The following CARMIL1 variants were observed in gnomAD, a reference collection of about 807,000 sequenced individuals.
CARMIL1 encodes capping protein regulator and myosin 1 linker 1, also known as F-actin-uncapping protein LRRC16A.
Under a neutral mutation model 177.1 loss-of-function variants are expected in CARMIL1, and 90 were observed. The ratio of observed to expected loss-of-function variants is 0.51; its 90% confidence interval spans 0.43 to 0.61. The LOEUF (loss-of-function observed/expected upper bound fraction) is 0.61. Among genes scored for constraint, CARMIL1 ranks in the 20% least tolerant of loss-of-function variants. The probability of loss-of-function intolerance (pLI) is 0.00; values close to 1 mark genes in which losing one functional copy is unlikely to be tolerated. For missense variants in CARMIL1, 1,380 were observed against 1,667.0 expected, an observed-to-expected ratio of 0.83 and a Z score of 3.00; for synonymous variants, 577 against 606.2, an observed-to-expected ratio of 0.95 and a Z score of 0.71.
chr6:25,383,870 GCT>G (rs1367411138), intron 2 of CARMIL1, among the ~76,000 whole-genome samples: 1 of 151,924 alleles, frequency 6.6e-6, no homozygotes, highest in African/African-American at 2.4e-5. Flanking sequence ...GTGGAGTCTC[GCT>G]CTGTCGCCCA....
chr6:25,336,181 C>G (rs1786209848), intron 2 of CARMIL1, among the ~76,000 whole-genome samples: 1 of 152,080 alleles, frequency 6.6e-6, no homozygotes, highest in Non-Finnish European at 1.5e-5. Context: ...GTCTCGCTTT[C>G]TAGCTGTTTC....
intron 2 of CARMIL1, among the ~76,000 whole-genome samples, chr6:25,329,902 A>G (rs1785453430): frequency 6.6e-6 from 1 of 152,262 alleles, no homozygotes. Flanking sequence ...TCTGGGCATC[A>G]GCTCATTATC....
At chr6:25,501,458 T>C in intron 17 of CARMIL1, among the ~76,000 whole-genome samples, 1 of 152,194 alleles carries the variant, frequency 6.6e-6, no homozygotes, top group Non-Finnish European at 1.5e-5. Flanking sequence ...ATAGTAACTC[T>C]CCCAATGGAT....
intron 31 of CARMIL1, among the ~76,000 whole-genome samples, chr6:25,591,689 C>T (rs1252696440): frequency 6.6e-6 from 1 of 152,216 alleles, no homozygotes; most frequent in Non-Finnish European, 1.5e-5. Flanking sequence ...CTGCTCTTCA[C>T]GTAGGCTGAT....
chr6:25,335,796 G>A (rs1232224438), intron 2 of CARMIL1, among the ~76,000 whole-genome samples: 5 of 152,240 alleles, frequency 3.3e-5, no homozygotes, highest in African/African-American at 7.2e-5. Context: ...CCCCTGCCCC[G>A]TGCTGGCATC....
chr6:25,588,160 C>T (rs1054119102), intron 31 of CARMIL1, among the ~76,000 whole-genome samples: 1 of 152,164 alleles, frequency 6.6e-6, no homozygotes, highest in Non-Finnish European at 1.5e-5. Flanking sequence ...CATTTTATAG[C>T]AGCGACTTGA....
chr6:25,420,535 A>G (rs1005284762), intron 3 of CARMIL1, among the ~76,000 whole-genome samples: 1 of 143,590 alleles, frequency 7.0e-6, no homozygotes, highest in Non-Finnish European at 1.5e-5. Context: ...TTTCCACTTT[A>G]TTCAAGTCTA....
chr6:25,581,560 C>G (rs957909663), intron 31 of CARMIL1, 121 bp downstream of exon 31: 1 of 862,926 alleles, frequency 1.2e-6, no homozygotes. Flanking sequence ...GAGACTAGAA[C>G]CTCTTTGCAT....
At chr6:25,312,554 C>G (rs760936434) in intron 2 of CARMIL1, among the ~76,000 whole-genome samples, 1 of 152,116 alleles carries the variant, frequency 6.6e-6, no homozygotes, top group African/African-American at 2.4e-5. Flanking sequence ...ATTCCTAACT[C>G]ATTTTTTGTT....
chr6:25,570,546 G>A (rs965901133), intron 29 of CARMIL1, among the ~76,000 whole-genome samples: 5 of 152,138 alleles, frequency 3.3e-5, no homozygotes, highest in African/African-American at 1.2e-4. Context: ...CTGTTTCCTG[G>A]AGAAAATGTG....
chr6:25,529,749 C>T (rs1157353161), intron 24 of CARMIL1, among the ~76,000 whole-genome samples: 1 of 90,048 alleles, frequency 1.1e-5, no homozygotes, highest in Non-Finnish European at 2.2e-5. Context: ...AGCGAGACTC[C>T]GTCTCCAAAA....
intron 8 of CARMIL1, among the ~76,000 whole-genome samples, chr6:25,463,819 C>CTTT (rs68160209): frequency 0.23 from 25,038 of 108,172 alleles, 3,273 homozygotes; most frequent in East Asian, 0.29. Flanking sequence ...AGTTGTTCTC[C>CTTT]TTTTTTTTTT....
At chr6:25,444,092 T>G (rs1759192730) in intron 5 of CARMIL1, among the ~76,000 whole-genome samples, 2 of 152,180 alleles carry the variant, frequency 1.3e-5, no homozygotes, top group Non-Finnish European at 2.9e-5. Context: ...CATGAGCCAC[T>G]GCGCCTGGAC....
At chr6:25,359,300 G>C (rs1788952288) in intron 2 of CARMIL1, among the ~76,000 whole-genome samples, 1 of 152,224 alleles carries the variant, frequency 6.6e-6, no homozygotes, top group Non-Finnish European at 1.5e-5. Context: ...CAGTGAGCTA[G>C]TGTTTCAGAA....
rs1295490393 is a variant in CARMIL1 at position 25,580,949 on chromosome 6, G to C, written c.2768G>C (p.Ser923Thr). 4 of 1,600,702 alleles carry C rather than the reference G, an allele frequency of 2.5e-6. No homozygotes were observed. The highest frequency in any genetic ancestry group is 3.4e-6 in the Non-Finnish European group (4 of 1,173,166). ...ATGACCCCTAAATCCAAAAGGAAGA[G>C]TATCCATAGCCGAATGCTGCGGCCT... ...CMMTPKSKRK[S>T]IHSRMLRPVS... Residue 923 changes from serine (S) to threonine (T), a missense_variant, in exon 30 of 37, where the codon AGT becomes ACT. Coordinates refer to ENST00000329474, the MANE Select transcript of CARMIL1 (RefSeq NM_017640.6).
chr6:25,296,935 T>TCTATCTATCTATCTTTAACTAAC (rs11414122), intron 2 of CARMIL1, among the ~76,000 whole-genome samples: 10 of 136,442 alleles, frequency 7.3e-5, no homozygotes, highest in East Asian at 2.1e-4. Context: ...CTATCTATCT[T>TCTATCTATCTATCTTTAACTAAC]TAACTAACTA....
At chr6:25,290,306 C>T (rs987866844) in intron 2 of CARMIL1, among the ~76,000 whole-genome samples, 7 of 151,344 alleles carry the variant, frequency 4.6e-5, no homozygotes, top group Non-Finnish European at 8.8e-5. Context: ...CGTTGTCCAG[C>T]TGCTTCTTGA....
At chr6:25,590,229 A>G (rs1285931278) in intron 31 of CARMIL1, among the ~76,000 whole-genome samples, 6 of 152,176 alleles carry the variant, frequency 3.9e-5, no homozygotes, top group African/African-American at 1.4e-4. Context: ...AATGAATGGT[A>G]GTTTGATTCT....
chr6:25,468,302 C>A (rs1800806254), intron 9 of CARMIL1, among the ~76,000 whole-genome samples: 1 of 151,836 alleles, frequency 6.6e-6, no homozygotes, highest in African/African-American at 2.4e-5. Context: ...TGCTCAGCTT[C>A]TTCTGTTTTG....
Sources: gnomAD v4.1 joint callset for allele counts (sites outside exome capture counted in the v4.1 genomes callset) on GRCh38, gnomAD v4.1.1 for gene constraint, MANE v1.5 for transcripts, NCBI Gene and HGNC (gene_info 2026-07-23, HGNC 2026-07-21) for gene names.